The following MED15 variants were observed in gnomAD, a reference collection of about 807,000 sequenced individuals.
The protein encoded by MED15 is mediator complex subunit 15.
MED15 carries 41 observed loss-of-function variants against 118.7 expected under a neutral mutation model. The observed-to-expected ratio is 0.35, with a 90% CI of 0.27 to 0.45. The LOEUF is 0.45. Among genes scored for constraint, MED15 ranks in the 20% least tolerant of loss-of-function variants. The pLI, the probability that MED15 is intolerant of heterozygous loss-of-function variation, is 1.00. For synonymous variants in MED15, 436 were observed against 413.9 expected, an observed-to-expected ratio of 1.05 and a Z score of -0.65; for missense variants, 740 against 1,025.5, an observed-to-expected ratio of 0.72 and a Z score of 3.80.
chr22:20,570,391 GTC>G (rs1268041509), intron 8 of MED15, among the ~76,000 whole-genome samples: 3 of 138,664 alleles, frequency 2.2e-5, no homozygotes, highest in African/African-American at 5.4e-5. Flanking sequence ...ATTTCTTTCT[GTC>G]TTTTTTTTTT....
intron 2 of MED15, among the ~76,000 whole-genome samples, chr22:20,545,473 C>CAAAAAAAAA (rs56307139): frequency 1.3e-4 from 12 of 90,116 alleles, no homozygotes; most frequent in East Asian, 3.1e-4. Context: ...GACTCCACCT[C>CAAAAAAAAA]AAAAAAAAAA....
At chr22:20,564,940 A>G (rs1601596098) in intron 6 of MED15, among the ~76,000 whole-genome samples, 1 of 152,214 alleles carries the variant, frequency 6.6e-6, no homozygotes, top group South Asian at 2.1e-4. Context: ...CCTGGCCAGC[A>G]TGGTGAAACC....
Position 20,560,071 on chromosome 22 carries a change from A to G in MED15, c.452-4379A>G, listed in dbSNP as rs143633169. The stretch of plus-strand genomic sequence containing the variant: ...TGCTGGTGCGTAATGGGTGGAGACC[A>G]GAGGTGCTGCTAACCATCTTACAAA... On this transcript the variant is annotated intron_variant, in intron 5 of 17. Transcript: ENST00000263205. Among the ~76,000 whole-genome samples the G allele has an allele frequency of 1.4e-3, 212 of 152,282 alleles. 2 individuals are homozygous for G. The highest frequency in any genetic ancestry group is 6.8e-3 in the Middle Eastern group (2 of 294).
At chr22:20,532,674 C>T (rs2054905697) in intron 1 of MED15, among the ~76,000 whole-genome samples, 1 of 152,216 alleles carries the variant, frequency 6.6e-6, no homozygotes, top group Admixed American at 6.5e-5. Context: ...CAGCCCCCTT[C>T]CTCAGCTAGA....
At chr22:20,539,552 A>G (rs2055209516) in intron 2 of MED15, among the ~76,000 whole-genome samples, 1 of 152,226 alleles carries the variant, frequency 6.6e-6, no homozygotes, top group Admixed American at 6.5e-5. Context: ...GTTAATGTAT[A>G]AATTTTTGTG....
intron 2 of MED15, among the ~76,000 whole-genome samples, chr22:20,549,348 A>G (rs1387804475): frequency 1.3e-5 from 2 of 152,206 alleles, no homozygotes; most frequent in Non-Finnish European, 2.9e-5. Context: ...GAGCTGGAGC[A>G]GACCAAGTGA....
intron 16 of MED15, 158 bp from the exon 17 acceptor site, chr22:20,585,570 C>A: frequency 1.3e-6 from 1 of 744,216 alleles, no homozygotes; most frequent in Non-Finnish European, 2.2e-6. Flanking sequence ...CTCCAGGCTT[C>A]ACGTTTGGAA....
chr22:20,516,932 A>G (rs1285271819), intron 1 of MED15, among the ~76,000 whole-genome samples: 3 of 151,984 alleles, frequency 2.0e-5, no homozygotes, highest in African/African-American at 7.2e-5. Flanking sequence ...CCTCCACACA[A>G]TTATTATTAC....
intron 1 of MED15, among the ~76,000 whole-genome samples, chr22:20,523,459 G>A (rs900933461): frequency 3.3e-5 from 5 of 152,138 alleles, no homozygotes; most frequent in African/African-American, 1.2e-4. Flanking sequence ...CATATGGCCA[G>A]TGTTGCTTCA....
At chr22:20,547,367 A>C (rs1276162109) in intron 2 of MED15, among the ~76,000 whole-genome samples, 1 of 152,152 alleles carries the variant, frequency 6.6e-6, no homozygotes, top group East Asian at 1.9e-4. Flanking sequence ...AATGTTTAGG[A>C]ATTGGACCTT....
At chr22:20,564,206 C>T (rs1462382553) in intron 5 of MED15, among the ~76,000 whole-genome samples, 2 of 152,200 alleles carry the variant, frequency 1.3e-5, no homozygotes, top group Non-Finnish European at 2.9e-5. Context: ...ATCCAAAAGA[C>T]TTAGTTGTCC....
At chr22:20,581,717 GTGTGGGTGTTTTACATA>G (rs1210802591) in intron 9 of MED15, among the ~76,000 whole-genome samples, 3 of 152,188 alleles carry the variant, frequency 2.0e-5, no homozygotes, top group Non-Finnish European at 4.4e-5. Context: ...CCCCAGGAAG[GTGTGGGTGTTTTACATA>G]TGCTTATCCC....
At chr22:20,520,252 C>T (rs556788054) in intron 1 of MED15, among the ~76,000 whole-genome samples, 14 of 152,304 alleles carry the variant, frequency 9.2e-5, no homozygotes, top group Non-Finnish European at 1.6e-4. Context: ...CCCACGTGCC[C>T]GCTGCCCTTC....
intron 2 of MED15, among the ~76,000 whole-genome samples, chr22:20,539,730 CCT>C (rs2055216730): frequency 6.6e-6 from 1 of 152,188 alleles, no homozygotes; most frequent in African/African-American, 2.4e-5. Flanking sequence ...TTCTCCTCAT[CCT>C]CTCCAATACT....
At chr22:20,553,035 C>A in intron 3 of MED15, 110 bp from the exon 4 acceptor site, 1 of 999,492 alleles carries the variant, frequency 1.0e-6, no homozygotes. Context: ...CTAGGAGCTC[C>A]GTGGGGATTA....
intron 2 of MED15, among the ~76,000 whole-genome samples, chr22:20,543,250 C>T (rs1307100793): frequency 2.3e-5 from 3 of 133,126 alleles, no homozygotes; most frequent in South Asian, 2.5e-4. Flanking sequence ...CTCACTCTCT[C>T]GCCCAGGCTG....
At chr22:20,510,263 G>A (rs1382103371) in intron 1 of MED15, among the ~76,000 whole-genome samples, 5 of 152,124 alleles carry the variant, frequency 3.3e-5, no homozygotes, top group Non-Finnish European at 5.9e-5. Flanking sequence ...GCGCACACCT[G>A]TAGTCCCAGC....
intron 5 of MED15, among the ~76,000 whole-genome samples, chr22:20,561,833 A>G (rs1294916317): frequency 6.6e-6 from 1 of 152,006 alleles, no homozygotes; most frequent in Non-Finnish European, 1.5e-5. Flanking sequence ...TCGGCAAAAT[A>G]GGAGACCCCC....
At chr22:20,510,050 T>G (rs943689131) in intron 1 of MED15, among the ~76,000 whole-genome samples, 1 of 152,234 alleles carries the variant, frequency 6.6e-6, no homozygotes, top group African/African-American at 2.4e-5. Context: ...TGTGTTTTTC[T>G]GTTGCCGCTC....
Sources: gnomAD v4.1 joint callset for allele counts (sites outside exome capture counted in the v4.1 genomes callset) on GRCh38, gnomAD v4.1.1 for gene constraint, MANE v1.5 for transcripts, NCBI Gene and HGNC (gene_info 2026-07-23, HGNC 2026-07-21) for gene names.